SYNJ1: variants seen among roughly 807,000 people sequenced by gnomAD.
SYNJ1 encodes the protein polyphosphatidylinositol phosphatase SYNJ1.
Under a neutral mutation model 168.2 loss-of-function variants are expected in SYNJ1, and 78 were observed. The ratio of observed to expected loss-of-function variants is 0.46; its 90% CI spans 0.39 to 0.56. The LOEUF (loss-of-function observed/expected upper bound fraction) is 0.56. Ranked by LOEUF, SYNJ1 falls within the 20% of genes least tolerant of loss-of-function variation. The pLI, the probability that SYNJ1 is intolerant of heterozygous loss-of-function variation, is 0.00. For missense variants in SYNJ1, 1,303 were observed against 1,597.6 expected, an observed-to-expected ratio of 0.82 and a Z score of 3.14; for synonymous variants, 539 against 548.6, an observed-to-expected ratio of 0.98 and a Z score of 0.24.
intron 2 of SYNJ1, among the ~76,000 whole-genome samples, chr21:32,702,962 C>A (rs1973297347): frequency 6.6e-6 from 1 of 152,222 alleles, no homozygotes; most frequent in African/African-American, 2.4e-5. Context: ...AACAAAAGGG[C>A]TCTTCTCAGC....
chr21:32,700,950 T>C (rs566254167), intron 3 of SYNJ1, among the ~76,000 whole-genome samples: 5 of 152,308 alleles, frequency 3.3e-5, no homozygotes, highest in African/African-American at 9.6e-5. Context: ...AAAAAGCCTA[T>C]GAAATTAGTA....
intron 27 of SYNJ1, 97 bp downstream of exon 27, chr21:32,643,313 T>A: frequency 8.0e-7 from 1 of 1,257,544 alleles, no homozygotes; most frequent in East Asian, 2.4e-5. Flanking sequence ...AAGAAAAGAT[T>A]TAGTATGCCT....
intron 10 of SYNJ1, 51 bp downstream of exon 10, chr21:32,683,987 C>CTT: frequency 6.6e-7 from 1 of 1,510,296 alleles, no homozygotes; most frequent in Non-Finnish European, 9.2e-7. Flanking sequence ...TCAAAAAGCA[C>CTT]TTAAAGAGGC....
chr21:32,724,228 C>T (rs918201228), intron 2 of SYNJ1, among the ~76,000 whole-genome samples: 1 of 152,194 alleles, frequency 6.6e-6, no homozygotes, highest in Non-Finnish European at 1.5e-5. Context: ...TGGCTCACGC[C>T]TGTAATCCCA....
At chr21:32,643,546 ACTCACTTTTGC>A in intron 26 of SYNJ1, 89 bp from the exon 27 acceptor site, 3 of 1,380,932 alleles carry the variant, frequency 2.2e-6, no homozygotes, top group African/African-American at 2.9e-5. Flanking sequence ...TCCATAGTAA[ACTCACTTTTGC>A]AAAAAGGCTC....
chr21:32,675,435 C>T (rs1156285087), intron 13 of SYNJ1, among the ~76,000 whole-genome samples: 1 of 152,030 alleles, frequency 6.6e-6, no homozygotes, highest in African/African-American at 2.4e-5. Context: ...TGAGTCTATG[C>T]TCAAACAACA....
intron 6 of SYNJ1, 103 bp downstream of exon 6, chr21:32,694,125 G>C: frequency 2.7e-6 from 2 of 740,284 alleles, no homozygotes; most frequent in Non-Finnish European, 4.0e-6. Context: ...TTATTAGATG[G>C]AATAATGGAA....
chr21:32,634,058 C>G (rs1322906293), intron 32 of SYNJ1, among the ~76,000 whole-genome samples: 3 of 152,142 alleles, frequency 2.0e-5, no homozygotes, highest in African/African-American at 7.2e-5. Context: ...TCTCCTATGG[C>G]AGATAGAATC....
At position 32,628,787 on chromosome 21, in the gene SYNJ1, T is replaced by C. The variant is rs2039215955; in HGVS notation, c.*3018A>G. On this transcript the variant is annotated 3_prime_UTR_variant, in exon 33 of 33. Transcript: ENST00000674351. ...GGTAAAGACAGATATATTTATTTCA[T>C]ATGACAGCACGTTTCACAGGATATG... is the stretch of plus-strand genomic sequence containing the variant. 1 of 152,686 alleles carries C rather than the reference T, an allele frequency of 6.5e-6. No individual in the cohort carries two copies. The highest frequency in any genetic ancestry group is 2.1e-4 in the South Asian group (1 of 4,834). 9.5% of individuals were successfully genotyped at this position (152,686 alleles called of 1,614,324 possible).
chr21:32,722,204 A>C (rs2043260374), intron 2 of SYNJ1, among the ~76,000 whole-genome samples: 1 of 71,144 alleles, frequency 1.4e-5, no homozygotes, highest in Non-Finnish European at 2.7e-5. Context: ...AAAAAAAAAA[A>C]AATATATATA....
At chr21:32,644,208 A>G (rs2039967694) in intron 26 of SYNJ1, among the ~76,000 whole-genome samples, 1 of 152,246 alleles carries the variant, frequency 6.6e-6, no homozygotes, top group South Asian at 2.1e-4. Context: ...TGTTTTCTGT[A>G]GGTCAATGGA....
At chr21:32,651,221 A>G (rs947256660) in intron 22 of SYNJ1, among the ~76,000 whole-genome samples, 7 of 152,242 alleles carry the variant, frequency 4.6e-5, no homozygotes, top group Admixed American at 2.0e-4. Context: ...CTTTGTTTGA[A>G]GAGTTTCTTA....
intron 31 of SYNJ1, among the ~76,000 whole-genome samples, chr21:32,637,679 G>C (rs1403317981): frequency 6.6e-6 from 1 of 152,134 alleles, no homozygotes; most frequent in Non-Finnish European, 1.5e-5. Context: ...GCCTCCCAAA[G>C]TGCTGGGATT....
chr21:32,681,452 G>A (rs956876140), intron 11 of SYNJ1, 44 bp downstream of exon 11: 1 of 1,540,660 alleles, frequency 6.5e-7, no homozygotes, highest in Non-Finnish European at 8.8e-7. Flanking sequence ...ATGAAGAGAG[G>A]AAAAAGAGGA....
At chr21:32,697,435 T>G (rs1482572525) in intron 4 of SYNJ1, among the ~76,000 whole-genome samples, 10 of 152,020 alleles carry the variant, frequency 6.6e-5, no homozygotes, top group Non-Finnish European at 1.5e-5. Context: ...ACCTGTCTCC[T>G]GCTGGACAAA....
chr21:32,667,293 C>G (rs1207078188), intron 15 of SYNJ1, among the ~76,000 whole-genome samples: 1 of 152,148 alleles, frequency 6.6e-6, no homozygotes, highest in Non-Finnish European at 1.5e-5. Flanking sequence ...TAAATTATAA[C>G]TAATGTCTTT....
chr21:32,721,994 T>C (rs1388033420), intron 2 of SYNJ1, among the ~76,000 whole-genome samples: 2 of 150,954 alleles, frequency 1.3e-5, no homozygotes, highest in Non-Finnish European at 3.0e-5. Flanking sequence ...AAGACCAGCC[T>C]GACCAACATG....
chr21:32,699,051 T>C (rs1205542987), intron 4 of SYNJ1, among the ~76,000 whole-genome samples: 5 of 152,178 alleles, frequency 3.3e-5, no homozygotes, highest in Non-Finnish European at 2.9e-5. Flanking sequence ...TAAACCGACA[T>C]TGGCTGCCTG....
chr21:32,688,936 C>T (rs963928364), intron 6 of SYNJ1, among the ~76,000 whole-genome samples: 10 of 152,320 alleles, frequency 6.6e-5, no homozygotes, highest in Middle Eastern at 3.4e-3. Flanking sequence ...GAATATCATT[C>T]CTTCCTGGAA....
Sources: allele counts gnomAD v4.1 joint callset (sites outside exome capture counted in the v4.1 genomes callset), GRCh38; gene constraint gnomAD v4.1.1; transcripts MANE v1.5; gene names NCBI Gene and HGNC (gene_info 2026-07-23, HGNC 2026-07-21).